The following NDUFA10 variants were observed in gnomAD, a reference collection of about 807,000 sequenced individuals.
NDUFA10 encodes NADH:ubiquinone oxidoreductase subunit A10, also known as NADH dehydrogenase [ubiquinone] 1 alpha subcomplex subunit 10, mitochondrial.
NDUFA10 carries 40 observed loss-of-function variants against 47.8 expected under a neutral mutation model. That is an observed-to-expected ratio of 0.84 (90% CI 0.65 to 1.09). NDUFA10 has a LOEUF of 1.09. Ranked by LOEUF, NDUFA10 falls within the 50% of genes least tolerant of loss-of-function variation. NDUFA10 has a pLI of 0.00. For synonymous variants in NDUFA10, 183 were observed against 172.2 expected, an observed-to-expected ratio of 1.06 and a Z score of -0.49; for missense variants, 413 against 451.1, an observed-to-expected ratio of 0.92 and a Z score of 0.76.
chr2:239,993,087 C>G (rs1358675731), intron 8 of NDUFA10, among the ~76,000 whole-genome samples: 1 of 152,140 alleles, frequency 6.6e-6, no homozygotes, highest in Non-Finnish European at 1.5e-5. Context: ...TCATAGTGAG[C>G]TAGATTAAAA....
At chr2:239,992,810 A>G (rs1696306178) in intron 8 of NDUFA10, among the ~76,000 whole-genome samples, 1 of 152,254 alleles carries the variant, frequency 6.6e-6, no homozygotes, top group Non-Finnish European at 1.5e-5. Context: ...ACACATACAC[A>G]TAATTAGACA....
intron 9 of NDUFA10, among the ~76,000 whole-genome samples, chr2:239,970,782 G>T (rs745512402): frequency 1.3e-5 from 2 of 152,216 alleles, no homozygotes; most frequent in Non-Finnish European, 2.9e-5. Flanking sequence ...AGCTCGTAAG[G>T]CCACAAAGGA....
rs745383198 is a variant in NDUFA10 at position 240,021,395 on chromosome 2, C to G, written c.262G>C (p.Glu88Gln). 1.2e-6 allele frequency: 2 copies of G among 1,614,198 alleles called. No homozygotes were observed. The highest frequency in any genetic ancestry group is 3.3e-5 in the Admixed American group (2 of 60,024). The change falls in exon 3 of 10, where the codon GAA (glutamate) becomes CAA (glutamine). Residue 88 changes from glutamate to glutamine, a missense_variant. Coordinates refer to ENST00000252711, the MANE Select transcript of NDUFA10 (RefSeq NM_004544.4). Reference sequence around the variant, plus strand: ...CTGTCTGGATAATGAATCCCCGCTTCAGGAAAGTGCTTGAAGCCTGAAAAG... The same window carrying G: ...CTGTCTGGATAATGAATCCCCGCTTGAGGAAAGTGCTTGAAGCCTGAAAAG... ...AEKLGFKHFP[E>Q]AGIHYPDSTT...
intron 8 of NDUFA10, among the ~76,000 whole-genome samples, chr2:240,004,649 C>CTCT (rs1696874941): frequency 2.6e-5 from 4 of 152,060 alleles, no homozygotes; most frequent in African/African-American, 9.7e-5. Flanking sequence ...GCCTCCCCTC[C>CTCT]CCACACTTTT....
intron 4 of NDUFA10, among the ~76,000 whole-genome samples, chr2:240,017,626 C>T (rs750061210): frequency 4.6e-5 from 7 of 152,194 alleles, no homozygotes; most frequent in Non-Finnish European, 8.8e-5. Flanking sequence ...GAGCCTGCCA[C>T]ACCACAGGCA....
At position 239,928,469 on chromosome 2, in the gene NDUFA10, G is replaced by C. The variant is rs1694101514; in HGVS notation, c.295-33155C>G. Among the ~76,000 whole-genome samples the C allele has an allele frequency of 6.6e-6, 1 of 152,164 alleles. No individual in the cohort carries two copies. Among genetic ancestry groups the C allele is most frequent in the Non-Finnish European group, 1.5e-5 (1 of 68,026 alleles). On this transcript the variant is annotated intron_variant, in intron 4 of 5. Transcript: ENST00000419408. The surrounding 1 kb of genome is among the most constrained non-coding windows in gnomAD (Gnocchi z 4.3). ...TTATTCTGTGAAGTCAGTTCCTCAT[G>C]GCAGGAAATCCCCCGAATCCACGCC...
intron 9 of NDUFA10, among the ~76,000 whole-genome samples, chr2:239,985,007 G>A (rs913252180): frequency 1.5e-4 from 23 of 152,308 alleles, no homozygotes; most frequent in South Asian, 8.3e-4. Flanking sequence ...CTTCCTGAGC[G>A]CTCTCAGGGG....
chr2:239,917,418 C>T (rs1559279774), intron 4 of NDUFA10, among the ~76,000 whole-genome samples: 1 of 152,116 alleles, frequency 6.6e-6, no homozygotes, highest in Non-Finnish European at 1.5e-5. Context: ...TTTATAGATT[C>T]CTGTTCTCTG....
chr2:239,990,622 T>C (rs191970203), intron 8 of NDUFA10, among the ~76,000 whole-genome samples: 1 of 152,316 alleles, frequency 6.6e-6, no homozygotes, highest in African/African-American at 2.4e-5. Context: ...GTGAGTAGCT[T>C]CAGTCCCTCT....
chr2:239,967,979 T>TAC (rs61166045), intron 9 of NDUFA10, among the ~76,000 whole-genome samples: 6,282 of 147,534 alleles, frequency 0.043, 263 homozygotes, highest in African/African-American at 0.11. Context: ...GAAAAAAATA[T>TAC]ACACACACAC....
chr2:239,903,886 G>T (rs1216126967), intron 4 of NDUFA10, among the ~76,000 whole-genome samples: 1 of 152,238 alleles, frequency 6.6e-6, no homozygotes, highest in Non-Finnish European at 1.5e-5. Flanking sequence ...CCATGCAGGG[G>T]AGAACTTTGT....
In NDUFA10 at chr2:240,016,554, C is replaced by T. The variant is rs1057129501; in HGVS notation, c.548-1694G>A. On this transcript the variant is annotated intron_variant, in intron 4 of 9. Coordinates refer to ENST00000252711, the MANE Select transcript of NDUFA10 (RefSeq NM_004544.4). This position sits in a 1 kb window ranked among gnomAD's most constrained non-coding sequence, Gnocchi z 4.4. ...GAAACGTGACAGTCACTTCTCAGTT[C>T]CCATCAGAGTCACAGCACATGTGAC... is the stretch of plus-strand genomic sequence containing the variant. 2.0e-5 allele frequency among the ~76,000 whole-genome samples: 3 copies of T among 152,176 alleles called. No individual in the cohort carries two copies. The highest frequency in any genetic ancestry group is 2.9e-5 in the Non-Finnish European group (2 of 68,024).
chr2:239,909,262 AC>A (rs1344933092), intron 4 of NDUFA10, among the ~76,000 whole-genome samples: 2 of 152,160 alleles, frequency 1.3e-5, no homozygotes, highest in African/African-American at 4.8e-5. Context: ...TACACCCTAT[AC>A]AAAAATGAAC....
chr2:240,017,831 T>A (rs1291737002), intron 4 of NDUFA10: 3 of 1,563,206 alleles, frequency 1.9e-6, no homozygotes, highest in South Asian at 2.4e-5. Flanking sequence ...TGCTTCGGCC[T>A]CCTCTTTCAT....
intron 8 of NDUFA10, among the ~76,000 whole-genome samples, chr2:240,002,330 CAA>C (rs61475593): frequency 0.049 from 4,048 of 83,064 alleles, 24 homozygotes; most frequent in African/African-American, 0.077. Context: ...AACTCTGACT[CAA>C]AAAAAAAAAA....
At chr2:239,898,444 GC>G (rs1693442924) in intron 4 of NDUFA10, among the ~76,000 whole-genome samples, 1 of 144,240 alleles carries the variant, frequency 6.9e-6, no homozygotes, top group South Asian at 2.2e-4. Flanking sequence ...CTTTTTGTCA[GC>G]CCCCGGCCCA....
intron 4 of NDUFA10, among the ~76,000 whole-genome samples, chr2:239,902,239 G>C (rs967768073): frequency 2.6e-5 from 4 of 152,156 alleles, no homozygotes; most frequent in African/African-American, 9.7e-5. Flanking sequence ...AACAGATGCA[G>C]CAAACTTCAT....
At position 239,959,061 on chromosome 2, in the gene NDUFA10, A is replaced by G. The variant is rs1437602296; in HGVS notation, c.*2057T>C. 4 of 985,494 alleles carry G rather than the reference A, an allele frequency of 4.1e-6. No homozygotes were observed. The East Asian group carries it at 4.5e-4, about 112-fold the overall frequency. 61.0% of individuals were successfully genotyped at this position (985,494 alleles called of 1,614,324 possible). On this transcript the variant is annotated 3_prime_UTR_variant, in exon 10 of 10. Transcript: ENST00000252711. ...TTCTATGTGGAGAGAAGAATTGGAC[A>G]GTGTTTATTCATCTTTCTCTGCTGA...
Position 239,958,213 on chromosome 2 carries a change from A to G in NDUFA10, c.*2905T>C, listed in dbSNP as rs1694714474. 1 of 152,162 alleles carries G rather than the reference A, an allele frequency of 6.6e-6. No homozygotes were observed. Among genetic ancestry groups the G allele is most frequent in the Non-Finnish European group, 1.5e-5 (1 of 68,030 alleles). 9.4% of individuals were successfully genotyped at this position (152,162 alleles called of 1,614,324 possible). ...CTTTCCCTCCACCCCTATTTTGCCA[A>G]ACCCCCAAATCTTGCAGATTTATAT... On this transcript the variant is annotated 3_prime_UTR_variant, in exon 10 of 10. Transcript: ENST00000252711.
Sources: gnomAD v4.1 joint callset for allele counts (sites outside exome capture counted in the v4.1 genomes callset) on GRCh38, gnomAD v4.1.1 for gene constraint, Gnocchi (gnomAD v3.1) non-coding constraint, MANE v1.5 for transcripts, NCBI Gene and HGNC (gene_info 2026-07-23, HGNC 2026-07-21) for gene names.